The following LUZP2 variants were observed in gnomAD, a reference collection of about 807,000 sequenced individuals.
LUZP2 encodes leucine zipper protein 2.
LUZP2 carries 52 observed loss-of-function variants against 51.6 expected under a neutral mutation model. The observed-to-expected ratio is 1.01, with a 90% CI of 0.81 to 1.27. LUZP2 has a LOEUF of 1.27. Ranked by LOEUF, LUZP2 falls within the 50% of genes most tolerant of loss-of-function variation. The pLI, the probability that LUZP2 is intolerant of heterozygous loss-of-function variation, is 0.00. For synonymous variants in LUZP2, 154 were observed against 137.3 expected, an observed-to-expected ratio of 1.12 and a Z score of -0.85; for missense variants, 436 against 395.4, an observed-to-expected ratio of 1.10 and a Z score of -0.87.
At chr11:24,918,235 G>A (rs1000142777) in intron 7 of LUZP2, among the ~76,000 whole-genome samples, 13 of 152,028 alleles carry the variant, frequency 8.6e-5, no homozygotes, top group Admixed American at 4.6e-4. Context: ...GAGATTTTGC[G>A]CTGAGACGAT....
chr11:24,737,137 C>T (rs944561160), intron 3 of LUZP2, among the ~76,000 whole-genome samples: 7 of 152,044 alleles, frequency 4.6e-5, no homozygotes, highest in Non-Finnish European at 8.8e-5. Flanking sequence ...TGGTTATTGC[C>T]ATGACCTAAC....
intron 1 of LUZP2, among the ~76,000 whole-genome samples, chr11:24,722,698 A>C (rs1409493732): frequency 6.6e-6 from 1 of 152,132 alleles, no homozygotes; most frequent in Non-Finnish European, 1.5e-5. Context: ...CAGGAGGATC[A>C]TTTGAGGTCA....
chr11:24,697,818 A>G (rs1000516863), intron 1 of LUZP2, among the ~76,000 whole-genome samples: 2 of 152,126 alleles, frequency 1.3e-5, no homozygotes, highest in African/African-American at 2.4e-5. Context: ...TAACATCACC[A>G]TTATAAAGCC....
chr11:24,934,929 C>T (rs1340470860), intron 7 of LUZP2, among the ~76,000 whole-genome samples: 1 of 152,154 alleles, frequency 6.6e-6, no homozygotes, highest in East Asian at 1.9e-4. Flanking sequence ...GAGAGCTACT[C>T]TACCAGGATT....
chr11:24,514,333 G>C (rs927916016), intron 1 of LUZP2, among the ~76,000 whole-genome samples: 9 of 152,216 alleles, frequency 5.9e-5, no homozygotes, highest in Admixed American at 3.9e-4. Context: ...GTGAAACTGA[G>C]AGCATTCTAG....
chr11:24,510,317 A>G (rs572986702), intron 1 of LUZP2, among the ~76,000 whole-genome samples: 29 of 152,352 alleles, frequency 1.9e-4, no homozygotes, highest in Non-Finnish European at 3.8e-4. Flanking sequence ...TGGCAGGACT[A>G]AAGAAGATGG....
intron 4 of LUZP2, among the ~76,000 whole-genome samples, chr11:24,750,382 T>A (rs1160982310): frequency 6.6e-6 from 1 of 152,208 alleles, no homozygotes; most frequent in East Asian, 1.9e-4. Flanking sequence ...CCTCTTTATA[T>A]CTTCCAATAG....
At chr11:24,714,140 T>C (rs976098903) in intron 1 of LUZP2, among the ~76,000 whole-genome samples, 14 of 151,956 alleles carry the variant, frequency 9.2e-5, no homozygotes, top group Non-Finnish European at 1.8e-4. Flanking sequence ...AAGACATATG[T>C]TGGGGGTAGG....
intron 4 of LUZP2, among the ~76,000 whole-genome samples, chr11:24,756,911 A>G (rs369093379): frequency 5.3e-5 from 8 of 152,342 alleles, no homozygotes; most frequent in African/African-American, 1.9e-4. Flanking sequence ...TCCCATAACC[A>G]CCTGCTTTGT....
intron 5 of LUZP2, among the ~76,000 whole-genome samples, chr11:24,813,590 C>G (rs72886138): frequency 0.047 from 7,222 of 152,276 alleles, 205 homozygotes; most frequent in Non-Finnish European, 0.069. Flanking sequence ...GCTCACTTGT[C>G]AACAAGGGGA....
intron 1 of LUZP2, among the ~76,000 whole-genome samples, chr11:24,506,405 C>G (rs1377171365): frequency 3.9e-5 from 6 of 152,032 alleles, no homozygotes; most frequent in Non-Finnish European, 8.8e-5. Context: ...GGAGTAACAT[C>G]TTAGGAAGAC....
intron 5 of LUZP2, among the ~76,000 whole-genome samples, chr11:24,834,410 G>A (rs1262219046): frequency 6.6e-6 from 1 of 152,120 alleles, no homozygotes; most frequent in Admixed American, 6.5e-5. Flanking sequence ...CCATGTCCCT[G>A]CAAAGGACAT....
chr11:24,633,993 T>C (rs561182408), intron 1 of LUZP2, among the ~76,000 whole-genome samples: 1 of 149,400 alleles, frequency 6.7e-6, no homozygotes, highest in Non-Finnish European at 1.5e-5. Flanking sequence ...TAAAGGACAA[T>C]AAAGTCTAAA....
intron 1 of LUZP2, among the ~76,000 whole-genome samples, chr11:24,544,889 T>C (rs1203992145): frequency 6.6e-6 from 1 of 152,138 alleles, no homozygotes; most frequent in African/African-American, 2.4e-5. Context: ...GCTGAACTAA[T>C]TTGTACTCCC....
At chr11:24,543,389 T>C (rs1488437661) in intron 1 of LUZP2, among the ~76,000 whole-genome samples, 1 of 152,072 alleles carries the variant, frequency 6.6e-6, no homozygotes, top group African/African-American at 2.4e-5. Context: ...ATTGGTATGA[T>C]TGTGTCTATG....
chr11:25,040,460 C>T (rs562441400), intron 9 of LUZP2, among the ~76,000 whole-genome samples: 1 of 148,792 alleles, frequency 6.7e-6, no homozygotes, highest in Non-Finnish European at 1.5e-5. Flanking sequence ...CAACCACTTT[C>T]ACACAAGTAG....
rs147529002 is a variant in LUZP2, at chr11:24,951,983, T to A, written c.523-24608T>A. 4.5e-3 allele frequency among the ~76,000 whole-genome samples: 676 copies of A among 151,832 alleles called. 6 individuals are homozygous for A. Among genetic ancestry groups the A allele is most frequent in the African/African-American group, 0.015 (609 of 41,496 alleles). On this transcript the variant is annotated intron_variant, in intron 7 of 11. Coordinates refer to ENST00000336930, the MANE Select transcript of LUZP2 (RefSeq NM_001009909.4). ...CTATTGACTGGCACATGGTAGATAA[T>A]TGATACATATTTTTGGAATCGACCT... is the stretch of plus-strand genomic sequence containing the variant.
At chr11:24,813,085 T>C (rs1295551797) in intron 5 of LUZP2, among the ~76,000 whole-genome samples, 1 of 152,204 alleles carries the variant, frequency 6.6e-6, no homozygotes, top group Non-Finnish European at 1.5e-5. Flanking sequence ...TGATAATTAC[T>C]TTTGTCCAGA....
At chr11:24,935,050 A>G (rs2133840175) in intron 7 of LUZP2, among the ~76,000 whole-genome samples, 1 of 152,356 alleles carries the variant, frequency 6.6e-6, no homozygotes, top group South Asian at 2.1e-4. Flanking sequence ...GGCACAAGTC[A>G]GGATGCTTGT....
Sources: allele counts gnomAD v4.1 joint callset (sites outside exome capture counted in the v4.1 genomes callset), GRCh38; gene constraint gnomAD v4.1.1; transcripts MANE v1.5; gene names NCBI Gene and HGNC (gene_info 2026-07-23, HGNC 2026-07-21).